The following ZNF257 variants were observed in gnomAD, a reference collection of about 807,000 sequenced individuals.
ZNF257 encodes the protein bone marrow zinc finger 4.
A neutral mutation model predicts 11.9 loss-of-function variants in ZNF257; 12 were observed. The observed-to-expected ratio is 1.01, with a 90% CI of 0.65 to 1.63. The LOEUF is 1.63. Ranked by LOEUF, ZNF257 falls within the 40% of genes most tolerant of loss-of-function variation. The pLI is 0.00. For missense variants in ZNF257, 580 were observed against 665.5 expected, an observed-to-expected ratio of 0.87 and a Z score of 1.41; for synonymous variants, 183 against 222.7, an observed-to-expected ratio of 0.82 and a Z score of 1.59.
chr19:22,052,493 C>G lies in ZNF257; in HGVS notation c.-140C>G. On this transcript the variant is annotated 5_prime_UTR_variant, in exon 1 of 4. Transcript: ENST00000594947. ...TCCGGGTTTGGCGGGTACTTTGTCT[C>G]TCGCTCTAGCCCGAGCTGCAGGTCT... 9.9e-7 allele frequency: 1 copy of G among 1,006,662 alleles called. No individual in the cohort carries two copies. Among genetic ancestry groups the G allele is most frequent in the Non-Finnish European group, 1.5e-6 (1 of 671,958 alleles). 62.4% of individuals were successfully genotyped at this position (1,006,662 alleles called of 1,614,324 possible). A position where few individuals can be genotyped will look rare whatever the true frequency, so the allele number is the denominator to read the frequency against.
intron 1 of ZNF257, among the ~76,000 whole-genome samples, chr19:22,056,842 C>A (rs988170461): frequency 6.6e-6 from 1 of 152,024 alleles, no homozygotes; most frequent in South Asian, 2.1e-4. Flanking sequence ...AATTCCAAGG[C>A]TTAGCTTTTA....
intron 3 of ZNF257, among the ~76,000 whole-genome samples, chr19:22,083,607 A>C (rs1186722171): frequency 6.6e-6 from 1 of 152,212 alleles, no homozygotes; most frequent in Non-Finnish European, 1.5e-5. Context: ...TTGTTATGCA[A>C]CATAATTGCT....
intron 1 of ZNF257, chr19:22,064,340 C>A (rs891193976): frequency 2.6e-5 from 4 of 152,110 alleles, no homozygotes; most frequent in African/African-American, 9.7e-5. Context: ...GCTAAGTAAA[C>A]CTTTTGTCAT....
In ZNF257 at chr19:22,054,226, C is replaced by G. The variant is rs78367666; in HGVS notation, c.3+1591C>G. Among the ~76,000 whole-genome samples, 1,074 of 152,102 alleles carry G rather than the reference C, an allele frequency of 7.1e-3. 13 individuals are homozygous for G. The highest frequency in any genetic ancestry group is 0.024 in the African/African-American group (993 of 41,546). On this transcript the variant is annotated intron_variant, in intron 1 of 3. Coordinates refer to ENST00000594947, the MANE Select transcript of ZNF257 (RefSeq NM_033468.4). Reference sequence around the variant, plus strand: ...TAGCTGGGATTACAGGCACCCACCACCACACCTGGCTAGTTATTGTATTTT... The same window carrying G: ...TAGCTGGGATTACAGGCACCCACCAGCACACCTGGCTAGTTATTGTATTTT...
At chr19:22,072,759 C>T (rs758278223) in intron 1 of ZNF257, 50 bp from the exon 2 acceptor site, 3 of 1,586,100 alleles carry the variant, frequency 1.9e-6, no homozygotes, top group African/African-American at 1.4e-5. Flanking sequence ...AAAATTCTGT[C>T]CCTGACCACT....
At chr19:22,057,347 T>C (rs1041729247) in intron 1 of ZNF257, among the ~76,000 whole-genome samples, 7 of 152,156 alleles carry the variant, frequency 4.6e-5, no homozygotes, top group Admixed American at 2.6e-4. Context: ...AAGGCTAATA[T>C]TGAGCCTGCA....
intron 1 of ZNF257, among the ~76,000 whole-genome samples, chr19:22,052,925 G>C (rs1199246483): frequency 6.6e-6 from 1 of 152,128 alleles, no homozygotes; most frequent in Non-Finnish European, 1.5e-5. Flanking sequence ...GTTGTGCAGG[G>C]ACCACAGGAG....
intron 3 of ZNF257, among the ~76,000 whole-genome samples, chr19:22,085,135 C>T (rs949796404): frequency 5.9e-5 from 9 of 152,046 alleles, no homozygotes; most frequent in Non-Finnish European, 1.3e-4. Context: ...TCACTGCAAC[C>T]TCCGCCTCCT....
intron 3 of ZNF257, among the ~76,000 whole-genome samples, chr19:22,079,323 A>G (rs185826227): frequency 2.0e-4 from 30 of 152,006 alleles, no homozygotes; most frequent in African/African-American, 7.2e-4. Flanking sequence ...GTTCTTTTTC[A>G]TGGGTTTCTG....
At position 22,054,751 on chromosome 19, in the gene ZNF257, G is replaced by GT. The variant is rs200417995; in HGVS notation, c.3+2121dup. 7.7e-3 allele frequency among the ~76,000 whole-genome samples: 1,176 copies of GT among 152,154 alleles called. 8 individuals are homozygous for GT. Among genetic ancestry groups the GT allele is most frequent in the African/African-American group, 0.027 (1,103 of 41,504 alleles). On this transcript the variant is annotated intron_variant, in intron 1 of 3. Coordinates refer to ENST00000594947, the MANE Select transcript of ZNF257 (RefSeq NM_033468.4). ...ATAGGCACAGAGATCTTATCAGAAT[G>GT]TTTTTGGGTCAAAGTTTCCCTTTGG...
intron 3 of ZNF257, among the ~76,000 whole-genome samples, 168 bp downstream of exon 3, chr19:22,073,732 T>G (rs1167983294): frequency 6.6e-6 from 1 of 151,794 alleles, no homozygotes; most frequent in East Asian, 1.9e-4. Context: ...ATAGGGACAT[T>G]TCTGTCTTAT....
chr19:22,081,113 G>A (rs908046703), intron 3 of ZNF257, among the ~76,000 whole-genome samples: 1 of 151,698 alleles, frequency 6.6e-6, no homozygotes, highest in Non-Finnish European at 1.5e-5. Flanking sequence ...TCCTGACCTC[G>A]TCATCCACCT....
intron 3 of ZNF257, among the ~76,000 whole-genome samples, chr19:22,083,753 ATC>A (rs1244933350): frequency 6.6e-6 from 1 of 152,054 alleles, no homozygotes; most frequent in Non-Finnish European, 1.5e-5. Context: ...ATCTCATACA[ATC>A]TCTGTCTGTT....
intron 3 of ZNF257, among the ~76,000 whole-genome samples, chr19:22,085,583 G>A (rs1048706164): frequency 1.3e-5 from 2 of 151,732 alleles, no homozygotes; most frequent in African/African-American, 4.8e-5. Flanking sequence ...AGAAAGTGAG[G>A]TATTGAAATA....
chr19:22,057,445 G>C (rs1419111314), intron 1 of ZNF257, among the ~76,000 whole-genome samples: 2 of 152,148 alleles, frequency 1.3e-5, no homozygotes, highest in Non-Finnish European at 2.9e-5. Flanking sequence ...TATCCTGAGA[G>C]AAGCTACAGA....
At chr19:22,068,091 ATC>A (rs1392351923) in intron 1 of ZNF257, among the ~76,000 whole-genome samples, 2 of 150,170 alleles carry the variant, frequency 1.3e-5, no homozygotes, top group Non-Finnish European at 2.9e-5. Flanking sequence ...TGTTGCCTTG[ATC>A]TCTCACTCCC....
intron 1 of ZNF257, among the ~76,000 whole-genome samples, chr19:22,054,817 G>A (rs2021581496): frequency 6.6e-6 from 1 of 151,054 alleles, no homozygotes; most frequent in South Asian, 2.1e-4. Flanking sequence ...CTTTAGTTTT[G>A]TTCTTGGTCT....
At chr19:22,058,269 C>A (rs563165317) in intron 1 of ZNF257, among the ~76,000 whole-genome samples, 17 of 148,566 alleles carry the variant, frequency 1.1e-4, no homozygotes, top group Admixed American at 4.0e-4. Flanking sequence ...TCTTTCCCCA[C>A]CTATTTTTTT....
intron 1 of ZNF257, among the ~76,000 whole-genome samples, chr19:22,068,156 C>CTTT (rs758701719): frequency 3.3e-5 from 4 of 121,240 alleles, no homozygotes; most frequent in African/African-American, 6.3e-5. Flanking sequence ...CTCTGTCCCT[C>CTTT]TTTTTTTTTT....
Sources: allele counts gnomAD v4.1 joint callset (sites outside exome capture counted in the v4.1 genomes callset), GRCh38; gene constraint gnomAD v4.1.1; transcripts MANE v1.5; gene names NCBI Gene and HGNC (gene_info 2026-07-23, HGNC 2026-07-21).